The following DLC1 variants were observed in gnomAD, a reference collection of about 807,000 sequenced individuals.
The protein encoded by DLC1 is rho GTPase-activating protein 7.
A neutral mutation model predicts 140.3 loss-of-function variants in DLC1; 54 were observed. The observed-to-expected ratio is 0.38, with a 90% CI of 0.31 to 0.48. The LOEUF (loss-of-function observed/expected upper bound fraction) is 0.48. Ranked by LOEUF, DLC1 falls within the 20% of genes least tolerant of loss-of-function variation. The probability of loss-of-function intolerance (pLI) is 0.96; values close to 1 mark genes in which losing one functional copy is unlikely to be tolerated. For missense variants in DLC1, 2,536 were observed against 1,907.0 expected (o/e 1.33, Z -6.14); for synonymous variants, 986 against 728.1 (o/e 1.35, Z -5.70).
chr8:13,555,766 T>C (rs1173373857), intron 1 of DLC1, among the ~76,000 whole-genome samples: 1 of 152,000 alleles, frequency 6.6e-6, no homozygotes, highest in Non-Finnish European at 1.5e-5. Flanking sequence ...CCTCCCAAAG[T>C]GCTAGGATTA....
rs202110638 is a variant in DLC1, at chr8:13,292,461, T to C, written c.1348+12808A>G. On this transcript the variant is annotated intron_variant, in intron 5 of 17. Coordinates refer to ENST00000276297, the MANE Select transcript of DLC1 (RefSeq NM_182643.3). ...GGTGTTCGAAAATATTACAAAATAA[T>C]GTTTTCTGGATATAATAAGCCAGCT... 7.9e-5 allele frequency among the ~76,000 whole-genome samples: 12 copies of C among 152,326 alleles called. No homozygotes were observed. In the East Asian group the frequency reaches 1.9e-3, roughly 24 times the overall value.
At chr8:13,103,045 T>A (rs1819230868) in intron 7 of DLC1, among the ~76,000 whole-genome samples, 192 bp from the exon 8 acceptor site, 1 of 152,072 alleles carries the variant, frequency 6.6e-6, no homozygotes. Context: ...GCGTGGTGGC[T>A]CACGCCTGTA....
chr8:13,533,300 G>C (rs531764488), intron 1 of DLC1, among the ~76,000 whole-genome samples: 1 of 151,874 alleles, frequency 6.6e-6, no homozygotes, highest in South Asian at 2.1e-4. Context: ...ATTGTGAGAA[G>C]ACAATACTCC....
chr8:13,305,374 G>C (rs374272754), intron 4 of DLC1, 72 bp from the exon 5 acceptor site: 2 of 1,452,668 alleles, frequency 1.4e-6, no homozygotes, highest in African/African-American at 2.8e-5. Context: ...GAAATAAAAC[G>C]AAGTGTAATT....
At chr8:13,396,210 C>T (rs1409511853) in intron 3 of DLC1, among the ~76,000 whole-genome samples, 1 of 151,850 alleles carries the variant, frequency 6.6e-6, no homozygotes, top group Non-Finnish European at 1.5e-5. Context: ...CAGGCGCCCA[C>T]CACCACACCC....
chr8:13,084,503 G>T lies in DLC1; in HGVS notation c.*1308C>A, dbSNP rs1045493526. 13 of 151,748 alleles carry T rather than the reference G, an allele frequency of 8.6e-5. No individual in the cohort carries two copies. Among genetic ancestry groups the T allele is most frequent in the African/African-American group, 3.2e-4 (13 of 41,104 alleles). 9.4% of individuals were successfully genotyped at this position (151,748 alleles called of 1,614,324 possible). ...CCTGAATAAAGACCACCCTTCTAAAGGTTCTAAAAAACTTCACTGGTTTGG... is the reference window on the plus strand; with the variant it reads ...CCTGAATAAAGACCACCCTTCTAAATGTTCTAAAAAACTTCACTGGTTTGG... On this transcript the variant is annotated 3_prime_UTR_variant, in exon 18 of 18. Transcript: ENST00000276297.
intron 1 of DLC1, among the ~76,000 whole-genome samples, chr8:13,574,356 T>A (rs755024338): frequency 8.5e-5 from 13 of 152,192 alleles, no homozygotes; most frequent in Non-Finnish European, 1.8e-4. Flanking sequence ...TATCTGAAAT[T>A]TTGAAATGGG....
At chr8:13,592,937 G>A (rs532965446) in intron 1 of DLC1, among the ~76,000 whole-genome samples, 70 of 152,162 alleles carry the variant, frequency 4.6e-4, no homozygotes, top group African/African-American at 1.6e-3. Flanking sequence ...TTCAAACAGG[G>A]TCACACCCTT....
chr8:13,601,024 A>T (rs557410501), intron 1 of DLC1, among the ~76,000 whole-genome samples: 4 of 151,824 alleles, frequency 2.6e-5, no homozygotes, highest in Non-Finnish European at 5.9e-5. Flanking sequence ...TTTGAGTCTC[A>T]TAAACTTTTT....
At chr8:13,286,044 A>T (rs995163750) in intron 5 of DLC1, among the ~76,000 whole-genome samples, 1 of 152,208 alleles carries the variant, frequency 6.6e-6, no homozygotes, top group Non-Finnish European at 1.5e-5. Flanking sequence ...TATCTGTAAT[A>T]AATAAAGCAC....
chr8:13,269,169 G>A (rs1345996198), intron 5 of DLC1, among the ~76,000 whole-genome samples: 1 of 152,042 alleles, frequency 6.6e-6, no homozygotes, highest in Non-Finnish European at 1.5e-5. Flanking sequence ...CACCGCTCCC[G>A]GCCTCATTCA....
intron 5 of DLC1, among the ~76,000 whole-genome samples, chr8:13,217,600 TGAG>T (rs1481549401): frequency 1.3e-5 from 2 of 151,900 alleles, no homozygotes; most frequent in Non-Finnish European, 2.9e-5. Context: ...TTTGGGAGGC[TGAG>T]GAGGGCGGAT....
At chr8:13,402,063 G>A (rs910239394) in intron 2 of DLC1, among the ~76,000 whole-genome samples, 5 of 152,034 alleles carry the variant, frequency 3.3e-5, no homozygotes, top group Admixed American at 3.3e-4. Flanking sequence ...TAAAAACACT[G>A]GAAAAGAACT....
chr8:13,565,554 C>A (rs960248960), intron 1 of DLC1, among the ~76,000 whole-genome samples: 1 of 152,142 alleles, frequency 6.6e-6, no homozygotes, highest in Admixed American at 6.6e-5. Context: ...TTGGAGTCTC[C>A]TTATCTTCAA....
chr8:13,196,319 T>A (rs1175755185), intron 5 of DLC1, among the ~76,000 whole-genome samples: 1 of 152,104 alleles, frequency 6.6e-6, no homozygotes. Flanking sequence ...AAGAAAAAAA[T>A]ATTTTATTAT....
chr8:13,248,734 C>G (rs959955373), intron 5 of DLC1, among the ~76,000 whole-genome samples: 48 of 152,146 alleles, frequency 3.2e-4, no homozygotes, highest in African/African-American at 1.1e-3. Flanking sequence ...CCATGTCTCC[C>G]TCTCCACAGC....
At chr8:13,432,878 G>T (rs1485382598) in intron 2 of DLC1, among the ~76,000 whole-genome samples, 2 of 151,528 alleles carry the variant, frequency 1.3e-5, no homozygotes, top group African/African-American at 4.8e-5. Flanking sequence ...AAGAGTAGCT[G>T]CTGTGTGGTG....
In DLC1 at chr8:13,351,869, AAATTAATTGTCATG is replaced by A. The variant is rs149977527; in HGVS notation, c.1314+41670_1314+41683del. On this transcript the variant is annotated intron_variant, in intron 4 of 17. Transcript: ENST00000276297. ...CACAACAATTTGATTTTTTTAAATG[AAATTAATTGTCATG>A]AATATAATAACATATCCATTAATGC... 0.037 allele frequency among the ~76,000 whole-genome samples: 5,580 copies of A among 152,286 alleles called. 639 individuals carry two copies. In the East Asian group the frequency reaches 0.38, roughly 10 times the overall value.
At chr8:13,401,712 C>G (rs1373373017) in intron 2 of DLC1, 93 bp from the exon 3 acceptor site, 3 of 1,479,746 alleles carry the variant, frequency 2.0e-6, no homozygotes, top group Middle Eastern at 2.4e-4. Flanking sequence ...AAAAAGTACA[C>G]TGGATAATAG....
Sources: allele counts gnomAD v4.1 joint callset (sites outside exome capture counted in the v4.1 genomes callset), GRCh38; gene constraint gnomAD v4.1.1; transcripts MANE v1.5; gene names NCBI Gene and HGNC (gene_info 2026-07-23, HGNC 2026-07-21).